Variants in ATP9B observed in about 807,000 individuals in gnomAD.
ATP9B encodes the protein ATPase phospholipid transporting 9B.
In ATP9B, 110 loss-of-function variants were observed where a neutral mutation model predicts 146.1. The observed-to-expected ratio is 0.75, with a 90% CI of 0.65 to 0.88. The LOEUF (loss-of-function observed/expected upper bound fraction) is 0.88, where lower values mean the gene tolerates loss of function less well. Among genes scored for constraint, ATP9B ranks in the 40% least tolerant of loss-of-function variants. ATP9B has a pLI of 0.00. For missense variants in ATP9B, 1,499 were observed against 1,496.4 expected (o/e 1.00, Z -0.03); for synonymous variants, 604 against 569.7 (o/e 1.06, Z -0.86).
chr18:79,110,135 C>A (rs1241062825), intron 2 of ATP9B, among the ~76,000 whole-genome samples: 1 of 152,042 alleles, frequency 6.6e-6, no homozygotes, highest in Non-Finnish European at 1.5e-5. Flanking sequence ...AAAGATAATT[C>A]CCCTGGGGTA....
At chr18:79,376,007 G>T in intron 29 of ATP9B, 9 of 985,278 alleles carry the variant, frequency 9.1e-6, no homozygotes, top group Non-Finnish European at 9.6e-6. Flanking sequence ...TGAGTAGATG[G>T]TTCTTCTGTG....
At chr18:79,326,489 T>C (rs1189035286) in intron 15 of ATP9B, among the ~76,000 whole-genome samples, 1 of 146,918 alleles carries the variant, frequency 6.8e-6, no homozygotes, top group Non-Finnish European at 1.5e-5. Context: ...TAGGGTGTCA[T>C]CTCTATACCC....
chr18:79,188,419 G>C (rs901580203), intron 8 of ATP9B, among the ~76,000 whole-genome samples: 1 of 152,166 alleles, frequency 6.6e-6, no homozygotes, highest in African/African-American at 2.4e-5. Context: ...TGTAATCCTT[G>C]TTAGAAGTTA....
At chr18:79,222,358 CAA>C (rs368000283) in intron 11 of ATP9B, among the ~76,000 whole-genome samples, 1 of 141,218 alleles carries the variant, frequency 7.1e-6, no homozygotes, top group Non-Finnish European at 1.6e-5. Context: ...GACTCCATCT[CAA>C]AAAAAAAAAA....
intron 9 of ATP9B, among the ~76,000 whole-genome samples, chr18:79,200,380 C>T (rs2095457640): frequency 6.6e-6 from 1 of 152,146 alleles, no homozygotes; most frequent in Non-Finnish European, 1.5e-5. Context: ...ATACCCACTT[C>T]TCAATAATTG....
At chr18:79,371,448 T>C (rs1017572197) in intron 26 of ATP9B, among the ~76,000 whole-genome samples, 10 of 151,446 alleles carry the variant, frequency 6.6e-5, no homozygotes, top group Non-Finnish European at 1.5e-4. Flanking sequence ...CCTTTTCATA[T>C]TCACGTGTGA....
intron 9 of ATP9B, among the ~76,000 whole-genome samples, chr18:79,206,335 C>T (rs12457546): frequency 0.35 from 53,515 of 151,962 alleles, 9,935 homozygotes; most frequent in African/African-American, 0.47. Flanking sequence ...TTTTCTCTGT[C>T]GTGAATACAT....
At chr18:79,128,578 C>T (rs1207843323) in intron 5 of ATP9B, among the ~76,000 whole-genome samples, 5 of 152,006 alleles carry the variant, frequency 3.3e-5, no homozygotes, top group Non-Finnish European at 7.4e-5. Flanking sequence ...AGAAAAAAAC[C>T]CCCAAATGGC....
chr18:79,377,473 T>A lies in ATP9B; in HGVS notation c.*90T>A. ...TGCCAGTGAACGCAGGGTTTGCCAT[T>A]GCTACCAAGCAAGCACCACAAGAAA... On this transcript the variant is annotated 3_prime_UTR_variant, in exon 30 of 30. Transcript: ENST00000426216. The A allele has an allele frequency of 6.7e-7, 1 of 1,490,410 alleles. No homozygotes were observed. The highest frequency in any genetic ancestry group is 9.1e-7 in the Non-Finnish European group (1 of 1,103,686). The allele number at this position is 1,490,410 out of a possible 1,614,324, so 92.3% of individuals were successfully genotyped here.
At chr18:79,302,925 T>G (rs1354626826) in intron 13 of ATP9B, among the ~76,000 whole-genome samples, 1 of 152,206 alleles carries the variant, frequency 6.6e-6, no homozygotes, top group African/African-American at 2.4e-5. Flanking sequence ...CAGGCAGTGT[T>G]CTATATTGTA....
At chr18:79,099,078 G>A (rs78220024) in intron 2 of ATP9B, among the ~76,000 whole-genome samples, 6,476 of 151,902 alleles carry the variant, frequency 0.043, 460 homozygotes, top group African/African-American at 0.15. Flanking sequence ...ACTTTAACTC[G>A]CTTTTCTTTT....
intron 7 of ATP9B, among the ~76,000 whole-genome samples, chr18:79,163,845 A>T (rs1373722510): frequency 6.8e-6 from 1 of 146,570 alleles, no homozygotes; most frequent in Non-Finnish European, 1.5e-5. Context: ...ATATTTTTAT[A>T]TTTTATTTTC....
chr18:79,186,492 T>C (rs546177552), intron 8 of ATP9B, among the ~76,000 whole-genome samples: 10 of 152,172 alleles, frequency 6.6e-5, no homozygotes, highest in Admixed American at 4.6e-4. Context: ...TGCCAGCCTG[T>C]TTTTTATTTT....
chr18:79,156,603 T>C (rs2094786137), intron 7 of ATP9B, among the ~76,000 whole-genome samples: 1 of 152,248 alleles, frequency 6.6e-6, no homozygotes, highest in South Asian at 2.1e-4. Context: ...TTATGATAGC[T>C]GGTGTTTCCT....
intron 12 of ATP9B, among the ~76,000 whole-genome samples, chr18:79,269,579 TCTTCTGGCTCTTG>T (rs1225764629): frequency 1.3e-5 from 2 of 152,236 alleles, no homozygotes; most frequent in Non-Finnish European, 2.9e-5. Context: ...TGTATTTTGG[TCTTCTGGCTCTTG>T]CTTCTGGTGT....
At chr18:79,195,482 A>C (rs188540616) in intron 9 of ATP9B, among the ~76,000 whole-genome samples, 3 of 152,350 alleles carry the variant, frequency 2.0e-5, no homozygotes, top group Admixed American at 2.0e-4. Context: ...AAATTTCTAA[A>C]AGCAAGGAAA....
chr18:79,256,928 CAGA>C (rs1312760775), intron 12 of ATP9B, among the ~76,000 whole-genome samples: 1 of 152,090 alleles, frequency 6.6e-6, no homozygotes, highest in East Asian at 1.9e-4. Flanking sequence ...ATTTCATTTA[CAGA>C]AGAATAACCT....
chr18:79,337,473 G>A (rs1321086685), intron 19 of ATP9B, 24 bp downstream of exon 19: 3 of 1,595,904 alleles, frequency 1.9e-6, no homozygotes, highest in South Asian at 1.1e-5. Context: ...ACCTCTGCTG[G>A]CGCGCGCTGC....
intron 15 of ATP9B, among the ~76,000 whole-genome samples, chr18:79,324,359 C>A (rs940727701): frequency 5.9e-5 from 9 of 152,112 alleles, no homozygotes; most frequent in Admixed American, 3.3e-4. Flanking sequence ...CTTTTGAGGT[C>A]TTATTCAAGA....
Sources: allele counts gnomAD v4.1 joint callset (sites outside exome capture counted in the v4.1 genomes callset), GRCh38; gene constraint gnomAD v4.1.1; transcripts MANE v1.5; gene names NCBI Gene and HGNC (gene_info 2026-07-23, HGNC 2026-07-21).